Variants in PBRM1 observed in about 807,000 individuals in gnomAD.
PBRM1 encodes polybromo 1.
In PBRM1, 27 loss-of-function variants were observed where a neutral mutation model predicts 194.5. The ratio of observed to expected loss-of-function variants is 0.14; its 90% CI spans 0.10 to 0.19. PBRM1 has a LOEUF of 0.19. PBRM1 is among the 10% of genes least tolerant of loss of function. The probability of loss-of-function intolerance (pLI) is 1.00; values close to 1 mark genes in which losing one functional copy is unlikely to be tolerated. For missense variants in PBRM1, 1,466 were observed against 2,077.2 expected, an observed-to-expected ratio of 0.71 and a Z score of 5.72; for synonymous variants, 655 against 693.2, an observed-to-expected ratio of 0.94 and a Z score of 0.87.
chr3:52,588,919 T>G, intron 18 of PBRM1, 151 bp downstream of exon 20: 1 of 598,224 alleles, frequency 1.7e-6, no homozygotes, highest in Non-Finnish European at 3.0e-6. Context: ...GTTTTTCATA[T>G]GATGGGTGCT....
At chr3:52,604,395 C>T (rs2094203491) in intron 16 of PBRM1, among the ~76,000 whole-genome samples, 1 of 152,200 alleles carries the variant, frequency 6.6e-6, no homozygotes, top group South Asian at 2.1e-4. Context: ...TTCTGAGTCT[C>T]CTTCCTCATT....
intron 22 of PBRM1, among the ~76,000 whole-genome samples, 194 bp downstream of exon 24, chr3:52,576,347 A>G (rs947808244): frequency 1.3e-5 from 2 of 152,122 alleles, no homozygotes; most frequent in African/African-American, 4.8e-5. Flanking sequence ...TGCCCTAATT[A>G]CCACCTGATA....
chr3:52,662,027 T>C (rs1382255579), intron 4 of PBRM1, 106 bp downstream of exon 5: 1 of 1,121,592 alleles, frequency 8.9e-7, no homozygotes, highest in Non-Finnish European at 1.3e-6. Context: ...CCAATACAAT[T>C]GCACAGGAAT....
exon 11 of PBRM1, chr3:52,634,674 T>C (rs1256365201): frequency 3.1e-6 from 5 of 1,613,768 alleles, no homozygotes; most frequent in Non-Finnish European, 4.2e-6. Flanking sequence ...TGAAGGCAAA[T>C]GGTAAAAAGG....
upstream of PBRM1, among the ~76,000 whole-genome samples, chr3:52,681,436 G>A (rs1010099249): frequency 2.0e-5 from 3 of 152,022 alleles, no homozygotes; most frequent in Admixed American, 6.5e-5. Context: ...AGTTAAAATC[G>A]TCAAAAGGCT....
chr3:52,559,931 C>CA (rs1273044156), intron 25 of PBRM1, among the ~76,000 whole-genome samples: 10 of 134,152 alleles, frequency 7.5e-5, no homozygotes, highest in African/African-American at 2.3e-4. Context: ...AGTGGGAAAG[C>CA]AAAAAAATGA....
Position 52,662,121 on chromosome 3 carries a change from C to T in PBRM1, c.528+12G>A, listed in dbSNP as rs2153919208. 6.2e-7 allele frequency: 1 copy of T among 1,612,634 alleles called. No homozygotes were observed. Among genetic ancestry groups the T allele is most frequent in the Non-Finnish European group, 8.5e-7 (1 of 1,179,504 alleles). On this transcript the variant is annotated intron_variant, in intron 4 of 29. Transcript: ENST00000296302. ...AGAGCCCATCCATCACAAGTTCCAG[C>T]TACACACTTACTCCTTCAGTCACTG...
intron 17 of PBRM1, among the ~76,000 whole-genome samples, chr3:52,592,792 T>C (rs1027797768): frequency 6.6e-6 from 1 of 152,196 alleles, no homozygotes; most frequent in Admixed American, 6.5e-5. Flanking sequence ...GTCCTGGGCC[T>C]TTCTTGGTTG....
chr3:52,600,291 CT>C (rs1277768310), intron 17 of PBRM1, among the ~76,000 whole-genome samples: 1 of 152,122 alleles, frequency 6.6e-6, no homozygotes, highest in Non-Finnish European at 1.5e-5. Flanking sequence ...TCCTCTTCAC[CT>C]TCAGGAATAC....
At chr3:52,583,833 C>G (rs1370038394) in intron 20 of PBRM1, among the ~76,000 whole-genome samples, 2 of 152,120 alleles carry the variant, frequency 1.3e-5, no homozygotes, top group Non-Finnish European at 2.9e-5. Context: ...TCTGTAGAGA[C>G]AAGGTCTTGC....
rs145640139 is a variant in PBRM1 at position 52,554,002 on chromosome 3, G to A, written c.4609+722C>T. ...TTTTATAGAGATGGGGTCTCACCAG[G>A]TTGCCCAGGCTGGTCTTGAACTCCT... On this transcript the variant is annotated intron_variant, in intron 27 of 29. Transcript: ENST00000296302. Among the ~76,000 whole-genome samples, 8 of 151,944 alleles carry A rather than the reference G, an allele frequency of 5.3e-5. No homozygotes were observed. In the East Asian group the frequency reaches 1.6e-3, roughly 29 times the overall value.
intron 17 of PBRM1, among the ~76,000 whole-genome samples, chr3:52,599,554 G>A (rs999206403): frequency 2.0e-5 from 3 of 151,652 alleles, no homozygotes; most frequent in African/African-American, 4.8e-5. Context: ...GCTCATGCCT[G>A]TAATCCCAGC....
In PBRM1 at chr3:52,637,153, T is replaced by C. The variant is rs145894314; in HGVS notation, c.1088-2338A>G. On this transcript the variant is annotated intron_variant, in intron 10 of 29. Transcript: ENST00000296302. ...AGTTGGATTTACACCTAGGTATATA[T>C]TTTGTTGCTACTGTAAGCGGCATCT... 8.2e-3 allele frequency among the ~76,000 whole-genome samples: 1,254 copies of C among 152,290 alleles called. 10 individuals are homozygous for C. The highest frequency in any genetic ancestry group is 0.013 in the Non-Finnish European group (902 of 68,014).
intron 1 of PBRM1, 36 bp downstream of exon 1, chr3:52,685,713 G>A (rs1001115371): frequency 9.7e-5 from 15 of 154,922 alleles, no homozygotes; most frequent in African/African-American, 3.4e-4. Context: ...GCTGACCAAG[G>A]GGGAGCGGCC....
intron 24 of PBRM1, among the ~76,000 whole-genome samples, chr3:52,562,243 C>T (rs1330670308): frequency 6.6e-6 from 1 of 150,984 alleles, no homozygotes; most frequent in Non-Finnish European, 1.5e-5. Flanking sequence ...AGGAGAATGG[C>T]GTGAACCCGG....
intron 24 of PBRM1, among the ~76,000 whole-genome samples, chr3:52,562,332 A>G (rs1198701105): frequency 1.3e-5 from 2 of 151,544 alleles, no homozygotes; most frequent in African/African-American, 4.9e-5. Context: ...GTCTCAAAAA[A>G]AAAAAAAAAA....
At chr3:52,595,415 T>G (rs1158800549) in intron 17 of PBRM1, among the ~76,000 whole-genome samples, 1 of 152,194 alleles carries the variant, frequency 6.6e-6, no homozygotes. Flanking sequence ...ATCTCATTGT[T>G]TGTTCTGATG....
intron 20 of PBRM1, among the ~76,000 whole-genome samples, chr3:52,584,631 CT>C (rs2092069836): frequency 6.6e-6 from 1 of 151,478 alleles, no homozygotes; most frequent in East Asian, 1.9e-4. Flanking sequence ...AATTTTTGTA[CT>C]TTTTGTAGAG....
chr3:52,578,890 A>T lies in PBRM1; in HGVS notation c.3533+164T>A. ...GAAGAAAACAAAAGAGCCCAAAGGG[A>T]TAATTTAAGGAAGAAAGTGTGGTTG... On this transcript the variant is annotated intron_variant, in intron 21 of 29. Transcript: ENST00000296302. 4.2e-6 allele frequency: 3 copies of T among 716,634 alleles called. No individual in the cohort carries two copies. In the South Asian group the frequency reaches 4.5e-5, roughly 11 times the overall value. 44.4% of individuals were successfully genotyped at this position (716,634 alleles called of 1,614,324 possible).
Sources: gnomAD v4.1 joint callset for allele counts (sites outside exome capture counted in the v4.1 genomes callset) on GRCh38, gnomAD v4.1.1 for gene constraint, MANE v1.5 for transcripts, NCBI Gene and HGNC (gene_info 2026-07-23, HGNC 2026-07-21) for gene names.